SPON1: variants seen among roughly 807,000 people sequenced by gnomAD.
The protein encoded by SPON1 is spondin-1.
Under a neutral mutation model 111.7 loss-of-function variants are expected in SPON1, and 52 were observed. That is an observed-to-expected ratio of 0.47 (90% confidence interval 0.37 to 0.59). The LOEUF (loss-of-function observed/expected upper bound fraction) is 0.59. SPON1 is among the 20% of genes least tolerant of loss of function. The probability of loss-of-function intolerance (pLI) is 0.00; values close to 1 mark genes in which losing one functional copy is unlikely to be tolerated. For synonymous variants in SPON1, 410 were observed against 395.8 expected, an observed-to-expected ratio of 1.04 and a Z score of -0.43; for missense variants, 957 against 1,068.5, an observed-to-expected ratio of 0.90 and a Z score of 1.46.
At chr11:13,980,945 G>A (rs193030380) in intron 1 of SPON1, among the ~76,000 whole-genome samples, 1 of 152,274 alleles carries the variant, frequency 6.6e-6, no homozygotes, top group East Asian at 1.9e-4. Flanking sequence ...TGAAATTGGA[G>A]AGCTGAATTA....
chr11:14,084,173 G>T (rs552146237), intron 5 of SPON1, among the ~76,000 whole-genome samples: 7 of 151,984 alleles, frequency 4.6e-5, no homozygotes, highest in African/African-American at 1.7e-4. Flanking sequence ...TATGTGTGCA[G>T]AATGTGCAGG....
chr11:14,227,443 T>G (rs927582899), intron 6 of SPON1, among the ~76,000 whole-genome samples: 2 of 152,228 alleles, frequency 1.3e-5, no homozygotes, highest in African/African-American at 2.4e-5. Flanking sequence ...TTTGCTTGCT[T>G]GCTGGCTGGC....
At chr11:14,008,690 C>G (rs1848382479) in intron 2 of SPON1, among the ~76,000 whole-genome samples, 1 of 152,218 alleles carries the variant, frequency 6.6e-6, no homozygotes, top group African/African-American at 2.4e-5. Flanking sequence ...GAGACCATCT[C>G]TACTCAGGCT....
intron 5 of SPON1, among the ~76,000 whole-genome samples, chr11:14,114,603 C>G (rs1849252980): frequency 1.3e-5 from 2 of 152,176 alleles, no homozygotes; most frequent in Admixed American, 1.3e-4. Context: ...TTGCCACCCT[C>G]CATCCAGCCT....
chr11:14,089,918 G>A (rs1472535339), intron 5 of SPON1, among the ~76,000 whole-genome samples: 1 of 152,162 alleles, frequency 6.6e-6, no homozygotes, highest in Non-Finnish European at 1.5e-5. Flanking sequence ...GTTCCGCCCA[G>A]TCTGAACTTC....
chr11:13,968,818 G>T (rs1359148659), intron 1 of SPON1, among the ~76,000 whole-genome samples: 2 of 152,100 alleles, frequency 1.3e-5, no homozygotes, highest in African/African-American at 4.8e-5. Flanking sequence ...CACTCCGTTG[G>T]CAAAAATTCA....
intron 3 of SPON1, among the ~76,000 whole-genome samples, chr11:14,061,662 T>C (rs1344790613): frequency 1.3e-5 from 2 of 152,154 alleles, no homozygotes; most frequent in Non-Finnish European, 2.9e-5. Context: ...GCCTAAACAG[T>C]AATACAAATA....
At chr11:14,133,364 A>T (rs562234621) in intron 5 of SPON1, among the ~76,000 whole-genome samples, 14 of 152,370 alleles carry the variant, frequency 9.2e-5, no homozygotes, top group Admixed American at 9.1e-4. Context: ...GCCTAGTGAG[A>T]TAACAGACTG....
intron 2 of SPON1, among the ~76,000 whole-genome samples, chr11:14,014,390 T>C (rs1218619749): frequency 6.6e-6 from 1 of 152,238 alleles, no homozygotes; most frequent in African/African-American, 2.4e-5. Context: ...ACAATTGATA[T>C]GTACATGAAA....
chr11:14,054,400 A>G (rs2618512), intron 3 of SPON1, among the ~76,000 whole-genome samples: 63,164 of 151,984 alleles, frequency 0.42, 13,547 homozygotes, highest in South Asian at 0.54. Context: ...AAGGAGAAAG[A>G]GGGGGAAGCA....
At chr11:14,080,081 T>TTATA in intron 5 of SPON1, 60 bp downstream of exon 5, 1 of 1,603,972 alleles carries the variant, frequency 6.2e-7, no homozygotes, top group Admixed American at 1.7e-5. Context: ...TTCTGTCTGG[T>TTATA]TATAGGGCAC....
At chr11:13,991,854 C>T (rs1265746504) in intron 2 of SPON1, among the ~76,000 whole-genome samples, 1 of 152,292 alleles carries the variant, frequency 6.6e-6, no homozygotes, top group Non-Finnish European at 1.5e-5. Context: ...TGGAGGTCCA[C>T]TCCTGACCCT....
At chr11:14,085,775 C>G (rs1849001323) in intron 5 of SPON1, among the ~76,000 whole-genome samples, 1 of 152,146 alleles carries the variant, frequency 6.6e-6, no homozygotes, top group Non-Finnish European at 1.5e-5. Flanking sequence ...TCTTCCTATC[C>G]ATGAGCATGG....
chr11:14,138,024 C>T (rs1847611702), intron 6 of SPON1, among the ~76,000 whole-genome samples: 1 of 152,112 alleles, frequency 6.6e-6, no homozygotes, highest in Admixed American at 6.5e-5. Flanking sequence ...ATGAATCCTC[C>T]TAGAATACAA....
chr11:14,017,580 C>T (rs782157418), intron 2 of SPON1, among the ~76,000 whole-genome samples: 11 of 152,154 alleles, frequency 7.2e-5, no homozygotes, highest in Non-Finnish European at 1.0e-4. Context: ...GGAGACAGAA[C>T]TGGATTCTTA....
At chr11:14,090,427 G>C (rs184923788) in intron 5 of SPON1, among the ~76,000 whole-genome samples, 1 of 152,120 alleles carries the variant, frequency 6.6e-6, no homozygotes, top group Non-Finnish European at 1.5e-5. Context: ...ATGAAGCCGC[G>C]GACCCTCGTA....
chr11:14,033,931 TTTAAAC>T (rs1335765478), intron 2 of SPON1, among the ~76,000 whole-genome samples: 5 of 152,326 alleles, frequency 3.3e-5, no homozygotes, highest in South Asian at 2.1e-4. Flanking sequence ...CCAAAGTGAC[TTTAAAC>T]TTAAACTTAA....
rs529086928 is a variant in SPON1, at chr11:14,160,699, T to A, written c.825+25131T>A. 1.4e-4 allele frequency among the ~76,000 whole-genome samples: 4 copies of A among 29,462 alleles called. 1 individual carries two copies. The Admixed American group carries it at 2.2e-3, about 16-fold the overall frequency. The allele number at this position is 29,462 out of a possible 152,430, so 19.3% of individuals were successfully genotyped here. A position where few individuals can be genotyped will look rare whatever the true frequency, so the allele number is the denominator to read the frequency against. On this transcript the variant is annotated intron_variant, in intron 6 of 15. Transcript: ENST00000576479. The stretch of plus-strand genomic sequence containing the variant: ...TATATTTATATATATATTTATATAT[T>A]TATATATATTTATATATATTTATAT...
intron 5 of SPON1, among the ~76,000 whole-genome samples, chr11:14,119,589 G>A (rs1849289990): frequency 6.6e-6 from 1 of 152,186 alleles, no homozygotes; most frequent in Non-Finnish European, 1.5e-5. Flanking sequence ...GCTCACTGCT[G>A]CCTGCCATAG....
Sources: allele counts gnomAD v4.1 joint callset (sites outside exome capture counted in the v4.1 genomes callset), GRCh38; gene constraint gnomAD v4.1.1; transcripts MANE v1.5; gene names NCBI Gene and HGNC (gene_info 2026-07-23, HGNC 2026-07-21).